The following MEGF11 variants were observed in gnomAD, a reference collection of about 807,000 sequenced individuals.
MEGF11 encodes the protein multiple EGF like domains 11.
In MEGF11, 126 loss-of-function variants were observed where a neutral mutation model predicts 146.6. The ratio of observed to expected loss-of-function variants is 0.86; its 90% CI spans 0.74 to 1.00. MEGF11 has a LOEUF of 1.00. Ranked by LOEUF, MEGF11 falls within the 50% of genes least tolerant of loss-of-function variation. The probability of loss-of-function intolerance (pLI) is 0.00; values close to 1 mark genes in which losing one functional copy is unlikely to be tolerated. For missense variants in MEGF11, 1,509 were observed against 1,521.2 expected (o/e 0.99, Z 0.13); for synonymous variants, 532 against 583.4 (o/e 0.91, Z 1.27).
intron 7 of MEGF11, among the ~76,000 whole-genome samples, chr15:65,973,773 T>G (rs1330115076): frequency 6.6e-6 from 1 of 152,170 alleles, no homozygotes; most frequent in Non-Finnish European, 1.5e-5. Flanking sequence ...TCAATGACTG[T>G]CTAAGATGGA....
intron 10 of MEGF11, among the ~76,000 whole-genome samples, chr15:65,935,703 G>A (rs1039462056): frequency 1.3e-5 from 2 of 152,332 alleles, no homozygotes; most frequent in African/African-American, 4.8e-5. Flanking sequence ...TGCCCTGAAG[G>A]AGTGTAACCT....
intron 5 of MEGF11, among the ~76,000 whole-genome samples, chr15:66,074,385 T>C (rs2085492200): frequency 6.6e-6 from 1 of 152,240 alleles, no homozygotes; most frequent in South Asian, 2.1e-4. Context: ...GGAGACTCCA[T>C]TGTATGAGTA....
chr15:66,158,133 A>T (rs4776751), intron 1 of MEGF11, among the ~76,000 whole-genome samples: 151,673 of 152,298 alleles, frequency 1, 75,529 homozygotes, highest in Middle Eastern at 1. Flanking sequence ...GATTCATTTT[A>T]GATAATAAAA....
intron 5 of MEGF11, among the ~76,000 whole-genome samples, chr15:66,054,935 T>C (rs1184417603): frequency 6.6e-6 from 1 of 152,178 alleles, no homozygotes; most frequent in Non-Finnish European, 1.5e-5. Flanking sequence ...AGTATATGTC[T>C]ACATCTCAAG....
At chr15:66,167,928 C>T (rs930487522) in intron 1 of MEGF11, among the ~76,000 whole-genome samples, 2 of 152,148 alleles carry the variant, frequency 1.3e-5, no homozygotes, top group Non-Finnish European at 1.5e-5. Context: ...TGTAGCCTTT[C>T]CCCCCTGAAC....
intron 1 of MEGF11, among the ~76,000 whole-genome samples, chr15:66,178,864 CA>C (rs756237151): frequency 1.7e-4 from 26 of 152,166 alleles, no homozygotes; most frequent in Non-Finnish European, 7.3e-5. Context: ...TAACATGCTT[CA>C]ACGGACTCCA....
At chr15:66,137,170 T>C (rs553623692) in intron 1 of MEGF11, among the ~76,000 whole-genome samples, 2 of 152,360 alleles carry the variant, frequency 1.3e-5, no homozygotes, top group Admixed American at 1.3e-4. Context: ...TGGAAAAGTA[T>C]GGAAGCCCAT....
intron 5 of MEGF11, among the ~76,000 whole-genome samples, chr15:66,052,599 G>A (rs1021143921): frequency 1.3e-5 from 2 of 152,040 alleles, no homozygotes; most frequent in Middle Eastern, 3.2e-3. Flanking sequence ...CCTCCTTCTC[G>A]ATGCTTTCCC....
chr15:65,909,121 T>C lies in MEGF11; in HGVS notation c.2911A>G (p.Ile971Val). Reference protein sequence around the residue: ...YVNVLDSHFQISALEARYPPE... With the variant: ...YVNVLDSHFQVSALEARYPPE... ...GGGTACCTGGCCTCCAGGGCACTGA[T>C]CTGGAAATGGGAGTCTAGTGAGAGG... Residue 971 changes from isoleucine (I) to valine (V), a missense_variant, in exon 23 of 26, where the codon ATC (isoleucine) becomes GTC (valine). By Grantham distance (29) the Ile-to-Val change is conservative (BLOSUM62 3). Coordinates refer to ENST00000395614, the MANE Select transcript of MEGF11 (RefSeq NM_001385028.1). 1 of 1,534,222 alleles carries C rather than the reference T, an allele frequency of 6.5e-7. No individual in the cohort carries two copies. Among genetic ancestry groups the C allele is most frequent in the South Asian group, 1.2e-5 (1 of 83,988 alleles).
chr15:65,958,670 A>G (rs1040825958), intron 9 of MEGF11, among the ~76,000 whole-genome samples: 1 of 152,220 alleles, frequency 6.6e-6, no homozygotes, highest in Admixed American at 6.5e-5. Context: ...AAACTTTCTT[A>G]GAACCGTGCT....
intron 5 of MEGF11, among the ~76,000 whole-genome samples, chr15:66,042,513 C>G (rs1159710971): frequency 1.3e-5 from 2 of 152,162 alleles, no homozygotes; most frequent in African/African-American, 4.8e-5. Context: ...CCAGGGAGCT[C>G]AGAGCACTGG....
chr15:66,128,556 G>C (rs1041361967), intron 1 of MEGF11, 145 bp from the exon 2 acceptor site: 9 of 443,958 alleles, frequency 2.0e-5, no homozygotes, highest in Non-Finnish European at 3.5e-5. Context: ...CTGGTTCTGA[G>C]TAACAGGAGA....
At chr15:65,939,570 C>T (rs1365697290) in intron 10 of MEGF11, among the ~76,000 whole-genome samples, 1 of 151,302 alleles carries the variant, frequency 6.6e-6, no homozygotes, top group African/African-American at 2.4e-5. Context: ...TCTCAGCTCA[C>T]GGTAACCTCC....
chr15:66,242,480 A>G (rs1486235004), intron 1 of MEGF11, among the ~76,000 whole-genome samples: 2 of 67,894 alleles, frequency 2.9e-5, no homozygotes, highest in Non-Finnish European at 5.5e-5. Flanking sequence ...AGAGAGAGGG[A>G]GGGAGGGAGA....
intron 4 of MEGF11, among the ~76,000 whole-genome samples, chr15:66,103,991 G>C (rs1362742295): frequency 2.6e-5 from 4 of 152,242 alleles, no homozygotes; most frequent in Non-Finnish European, 5.9e-5. Flanking sequence ...TCCTTCGGCA[G>C]GTGATTTCAC....
chr15:65,995,532 C>G (rs1425823712), intron 5 of MEGF11, among the ~76,000 whole-genome samples: 1 of 152,236 alleles, frequency 6.6e-6, no homozygotes, highest in Non-Finnish European at 1.5e-5. Flanking sequence ...TGGCCAGTAA[C>G]AGCCCCTAGA....
At chr15:66,217,503 C>A (rs532600582) in intron 1 of MEGF11, among the ~76,000 whole-genome samples, 1 of 152,336 alleles carries the variant, frequency 6.6e-6, no homozygotes, top group South Asian at 2.1e-4. Flanking sequence ...TTAAAAAGAC[C>A]CTCTGTATCC....
At chr15:65,958,693 T>G (rs2080749165) in intron 9 of MEGF11, among the ~76,000 whole-genome samples, 1 of 152,224 alleles carries the variant, frequency 6.6e-6, no homozygotes, top group Non-Finnish European at 1.5e-5. Flanking sequence ...GGGTTAAGAC[T>G]CTTTCTCCCA....
At chr15:66,188,469 T>C (rs930859032) in intron 1 of MEGF11, among the ~76,000 whole-genome samples, 2 of 151,418 alleles carry the variant, frequency 1.3e-5, no homozygotes, top group African/African-American at 4.9e-5. Flanking sequence ...TGCTCACAGA[T>C]CAGGGATCCC....
Sources: gnomAD v4.1 joint callset for allele counts (sites outside exome capture counted in the v4.1 genomes callset) on GRCh38, gnomAD v4.1.1 for gene constraint, MANE v1.5 for transcripts, NCBI Gene and HGNC (gene_info 2026-07-23, HGNC 2026-07-21) for gene names.